Variants in HSP90AA1 observed in about 807,000 individuals in gnomAD.
The protein encoded by HSP90AA1 is heat shock protein HSP 90-alpha.
HSP90AA1 carries 18 observed loss-of-function variants against 73.3 expected under a neutral mutation model. The observed-to-expected ratio is 0.25, with a 90% CI of 0.17 to 0.36. HSP90AA1 has a LOEUF of 0.36. Among genes scored for constraint, HSP90AA1 ranks in the 10% least tolerant of loss-of-function variants. The probability of loss-of-function intolerance (pLI) is 1.00; values close to 1 mark genes in which losing one functional copy is unlikely to be tolerated. For missense variants in HSP90AA1, 704 were observed against 874.2 expected (o/e 0.81, Z 2.45); for synonymous variants, 477 against 296.9 (o/e 1.61, Z -6.24).
At chr14:102,096,194 A>G (rs1031751694) in intron 2 of HSP90AA1, among the ~76,000 whole-genome samples, 4 of 152,200 alleles carry the variant, frequency 2.6e-5, no homozygotes, top group Non-Finnish European at 1.5e-5. Context: ...ATTTAAGAAC[A>G]TGGCAGAGAA....
At chr14:102,139,687 G>C (rs113602506), upstream of HSP90AA1, 2 of 672,680 alleles carry the variant, frequency 3.0e-6, no homozygotes, top group Non-Finnish European at 4.9e-6. Context: ...GGCCACACCC[G>C]GGGGAGGAGC....
In HSP90AA1 at chr14:102,086,307, T is replaced by C. The variant is rs201407591; in HGVS notation, c.72A>G (p.Ala24=). 223 of 1,614,190 alleles carry C rather than the reference T, an allele frequency of 1.4e-4. No homozygotes were observed. Among genetic ancestry groups the C allele is most frequent in the Non-Finnish European group, 1.8e-4 (212 of 1,180,028 alleles). Residue 24 remains alanine (A), a synonymous_variant, in exon 2 of 11, where the codon GCA becomes GCG. Coordinates refer to ENST00000216281, the MANE Select transcript of HSP90AA1 (RefSeq NM_005348.4). Reference sequence around the variant, plus strand: ...TCAATGACATCAACTGGGCAATTTCTGCCTGAAAGGCGAACGTCTCAACCT... The same window carrying C: ...TCAATGACATCAACTGGGCAATTTCCGCCTGAAAGGCGAACGTCTCAACCT... ...EEEVETFAFQ[A]EIAQLMSLII... is the part of the protein sequence containing the mutation.
chr14:102,133,373 T>C (rs2049932999), intron 1 of HSP90AA1, among the ~76,000 whole-genome samples: 1 of 152,178 alleles, frequency 6.6e-6, no homozygotes, highest in Non-Finnish European at 1.5e-5. Context: ...AACACAATTA[T>C]AGGGAGTTCA....
chr14:102,123,374 C>G (rs574778925), intron 1 of HSP90AA1, among the ~76,000 whole-genome samples: 4 of 151,932 alleles, frequency 2.6e-5, no homozygotes, highest in Non-Finnish European at 5.9e-5. Flanking sequence ...GGCAACAGAG[C>G]GAGACTCGGT....
At chr14:102,087,245 C>A (rs1488993834), upstream of HSP90AA1, 3 of 805,198 alleles carry the variant, frequency 3.7e-6, no homozygotes, top group Middle Eastern at 6.3e-4. Flanking sequence ...TGGCCCGGCC[C>A]GGGCAACCTT....
chr14:102,085,044 T>C, intron 4 of HSP90AA1, 46 bp from the exon 5 acceptor site: 1 of 1,613,750 alleles, frequency 6.2e-7, no homozygotes, highest in Non-Finnish European at 8.5e-7. Context: ...ACTCCAGAAC[T>C]AAGCGACAGC....
At chr14:102,087,333 A>T (rs955700863), upstream of HSP90AA1, 9 of 268,434 alleles carry the variant, frequency 3.4e-5, no homozygotes, top group Non-Finnish European at 5.1e-5. Flanking sequence ...AATTCTCGGG[A>T]AGGTCCGGGC....
intron 1 of HSP90AA1, among the ~76,000 whole-genome samples, chr14:102,109,878 G>A (rs987907449): frequency 7.9e-5 from 12 of 152,194 alleles, no homozygotes; most frequent in African/African-American, 2.4e-4. Context: ...AATCCAGGCC[G>A]AAATGGTCTC....
chr14:102,113,699 T>A (rs542693646), intron 1 of HSP90AA1, among the ~76,000 whole-genome samples: 91 of 151,988 alleles, frequency 6.0e-4, no homozygotes, highest in African/African-American at 1.9e-3. Context: ...ATTTTATTTT[T>A]TTATTTTTAT....
upstream of HSP90AA1, among the ~76,000 whole-genome samples, chr14:102,088,931 GTC>G (rs997306325): frequency 6.9e-6 from 1 of 145,354 alleles, no homozygotes; most frequent in Non-Finnish European, 1.5e-5. Context: ...TTTAGACAAA[GTC>G]TCACTCTTGG....
upstream of HSP90AA1, among the ~76,000 whole-genome samples, chr14:102,088,907 CTTTTTT>C (rs887578558): frequency 1.3e-4 from 7 of 55,138 alleles, no homozygotes; most frequent in Admixed American, 2.2e-4. Context: ...TTTTTCTTTT[CTTTTTT>C]TTTTTTTTTT....
At chr14:102,121,494 A>C (rs1049781806) in intron 1 of HSP90AA1, among the ~76,000 whole-genome samples, 1 of 152,234 alleles carries the variant, frequency 6.6e-6, no homozygotes, top group Non-Finnish European at 1.5e-5. Context: ...ATTGCCCTCC[A>C]AATAAATAAC....
intron 9 of HSP90AA1, 189 bp downstream of exon 9, chr14:102,082,845 C>A: frequency 1.5e-6 from 1 of 658,948 alleles, no homozygotes; most frequent in South Asian, 1.7e-5. Flanking sequence ...TGGTCTCGAT[C>A]TCCTGACCTT....
chr14:102,116,608 C>T (rs912301719), intron 1 of HSP90AA1, among the ~76,000 whole-genome samples: 3 of 152,142 alleles, frequency 2.0e-5, no homozygotes, highest in Admixed American at 6.5e-5. Flanking sequence ...ACCCTGGCCC[C>T]GTGTCACCAC....
At chr14:102,137,493 T>C (rs1248767460) in intron 1 of HSP90AA1, among the ~76,000 whole-genome samples, 1 of 151,422 alleles carries the variant, frequency 6.6e-6, no homozygotes, top group Non-Finnish European at 1.5e-5. Flanking sequence ...GCCTGGCTAA[T>C]TTTTGTACTT....
chr14:102,087,700 G>A (rs1056805114), upstream of HSP90AA1, among the ~76,000 whole-genome samples: 14 of 152,154 alleles, frequency 9.2e-5, no homozygotes, highest in Non-Finnish European at 1.6e-4. Flanking sequence ...CGCGCTCGGG[G>A]ATTCTCCAGA....
chr14:102,135,046 C>T, intron 1 of HSP90AA1, among the ~76,000 whole-genome samples: 1 of 152,202 alleles, frequency 6.6e-6, no homozygotes, highest in Non-Finnish European at 1.5e-5. Context: ...ACCAGAGCAG[C>T]TAGATACAGA....
intron 2 of HSP90AA1, among the ~76,000 whole-genome samples, chr14:102,096,711 G>T (rs932255624): frequency 6.6e-6 from 1 of 152,200 alleles, no homozygotes; most frequent in African/African-American, 2.4e-5. Flanking sequence ...GCTTTCCAGC[G>T]GGACCAAATG....
chr14:102,087,889 A>G (rs1190939870), upstream of HSP90AA1, among the ~76,000 whole-genome samples: 2 of 150,964 alleles, frequency 1.3e-5, no homozygotes, highest in Non-Finnish European at 2.9e-5. Context: ...GCGGTCTCCA[A>G]ATTAAGTATC....
Sources: gnomAD v4.1 joint callset for allele counts (sites outside exome capture counted in the v4.1 genomes callset) on GRCh38, gnomAD v4.1.1 for gene constraint, MANE v1.5 for transcripts, NCBI Gene and HGNC (gene_info 2026-07-23, HGNC 2026-07-21) for gene names.